PLA2G4A: variants seen among roughly 807,000 people sequenced by gnomAD.
PLA2G4A encodes the protein cytosolic phospholipase A2.
Under a neutral mutation model 81.9 loss-of-function variants are expected in PLA2G4A, and 40 were observed. The observed-to-expected ratio is 0.49, with a 90% CI of 0.38 to 0.64. The LOEUF (loss-of-function observed/expected upper bound fraction) is 0.64. Ranked by LOEUF, PLA2G4A falls within the 30% of genes least tolerant of loss-of-function variation. PLA2G4A has a pLI of 0.00. For missense variants in PLA2G4A, 715 were observed against 905.1 expected (o/e 0.79, Z 2.69); for synonymous variants, 302 against 296.9 (o/e 1.02, Z -0.18).
Position 186,893,053 on chromosome 1 carries a change from C to T in PLA2G4A, c.158C>T (p.Thr53Ile). 1 of 1,609,032 alleles carries T rather than the reference C, an allele frequency of 6.2e-7. No individual in the cohort carries two copies. Among genetic ancestry groups the T allele is most frequent in the Non-Finnish European group, 8.5e-7 (1 of 1,175,400 alleles). The change falls in exon 4 of 18, where the codon ACC (threonine) becomes ATC (isoleucine). Residue 53 changes from threonine to isoleucine, a missense_variant. Physicochemically the swap from Thr to Ile is moderately conservative, Grantham distance 89 (BLOSUM62 -1). Coordinates refer to ENST00000367466, the MANE Select transcript of PLA2G4A (RefSeq NM_024420.3). Reference protein sequence around the residue: ...DPYVELFISTTPDSRKRTRHF... With the variant: ...DPYVELFISTIPDSRKRTRHF... ...TATGTGGAACTTTTTATCTCTACAA[C>T]CCCTGACAGCAGGAAGAGAACAAGA...
At chr1:186,924,038 G>T (rs982878918) in intron 7 of PLA2G4A, among the ~76,000 whole-genome samples, 1 of 152,132 alleles carries the variant, frequency 6.6e-6, no homozygotes, top group Admixed American at 6.5e-5. Flanking sequence ...TACTCCCTTT[G>T]CTTTCAAATG....
rs141706022 is a variant in PLA2G4A at position 186,870,290 on chromosome 1, C to T, written c.34-145C>T. The stretch of plus-strand genomic sequence containing the variant: ...ATTCTGTGATGAGAGAGAAGAGAGT[C>T]AAAAAAGAAGCAGCCTTACATCAAA... On this transcript the variant is annotated intron_variant, in intron 2 of 17. Transcript: ENST00000367466. 174 of 684,412 alleles carry T rather than the reference C, an allele frequency of 2.5e-4. 1 individual carries two copies. The African/African-American group carries it at 2.8e-3, about 11-fold the overall frequency. The allele number at this position is 684,412 out of a possible 1,614,324, so 42.4% of individuals were successfully genotyped here. A position where few individuals can be genotyped will look rare whatever the true frequency, so the allele number is the denominator to read the frequency against.
intron 2 of PLA2G4A, among the ~76,000 whole-genome samples, chr1:186,868,713 T>C (rs1198605991): frequency 1.3e-5 from 2 of 152,214 alleles, no homozygotes; most frequent in East Asian, 3.8e-4. Context: ...TTAATAGATA[T>C]GCACCTATTT....
chr1:186,952,661 CAT>C (rs1427725269), intron 13 of PLA2G4A, among the ~76,000 whole-genome samples: 1 of 152,134 alleles, frequency 6.6e-6, no homozygotes, highest in Non-Finnish European at 1.5e-5. Context: ...CATCATTATA[CAT>C]GTCACACACA....
At chr1:186,906,430 G>A (rs1277795006) in intron 5 of PLA2G4A, among the ~76,000 whole-genome samples, 1 of 152,134 alleles carries the variant, frequency 6.6e-6, no homozygotes, top group East Asian at 1.9e-4. Flanking sequence ...GATGTTTCCC[G>A]AGTCAACTAC....
At chr1:186,851,243 A>G (rs1181597079) in intron 1 of PLA2G4A, among the ~76,000 whole-genome samples, 2 of 152,012 alleles carry the variant, frequency 1.3e-5, no homozygotes. Context: ...CTACATAGAC[A>G]TTTCAGCTTC....
intron 17 of PLA2G4A, among the ~76,000 whole-genome samples, chr1:186,987,323 G>A (rs192379739): frequency 9.2e-5 from 14 of 152,350 alleles, no homozygotes; most frequent in Non-Finnish European, 1.3e-4. Flanking sequence ...AGGCCATAGC[G>A]TCCTAAACTG....
intron 3 of PLA2G4A, among the ~76,000 whole-genome samples, chr1:186,880,605 G>T (rs937162008): frequency 6.6e-6 from 1 of 151,754 alleles, no homozygotes; most frequent in African/African-American, 2.4e-5. Flanking sequence ...ATAGCATTAA[G>T]GTTAAGAATC....
chr1:186,916,790 T>G (rs575687184), intron 7 of PLA2G4A, among the ~76,000 whole-genome samples: 10 of 152,326 alleles, frequency 6.6e-5, no homozygotes, highest in Admixed American at 5.2e-4. Flanking sequence ...AGAATAATTG[T>G]TTTAACTTGT....
Position 186,956,182 on chromosome 1 carries a change from G to A in PLA2G4A, c.1417G>A (p.Val473Met). The change falls in exon 14 of 18, where the codon GTG (valine) becomes ATG (methionine). Residue 473 changes from valine (V) to methionine (M), a missense_variant. By Grantham distance (21) the Val-to-Met change is conservative (BLOSUM62 1). Coordinates refer to ENST00000367466, the MANE Select transcript of PLA2G4A (RefSeq NM_024420.3). ...SWIHRMIMAL[V>M]SDSALFNTRE... The stretch of plus-strand genomic sequence containing the variant: ...GATTCATCGTATGATAATGGCCTTG[G>A]TGAGTGATTCAGCTTTATTCAATAC... 6.2e-7 allele frequency: 1 copy of A among 1,613,862 alleles called. No individual in the cohort carries two copies. The highest frequency in any genetic ancestry group is 1.3e-5 in the African/African-American group (1 of 75,020).
intron 2 of PLA2G4A, among the ~76,000 whole-genome samples, chr1:186,862,967 A>G (rs1171039791): frequency 6.6e-6 from 1 of 152,202 alleles, no homozygotes; most frequent in East Asian, 1.9e-4. Context: ...ATAGATATTT[A>G]GTTACCATTG....
At position 186,932,849 on chromosome 1, in the gene PLA2G4A, A is replaced by G. The variant is rs545862960; in HGVS notation, c.645A>G (p.Ser215=). 1.7e-5 allele frequency: 27 copies of G among 1,613,254 alleles called. No individual in the cohort carries two copies. In the South Asian group the frequency reaches 3.0e-4, roughly 18 times the overall value. ...FSGVMKALYE[S]GILDCATYVA... is the part of the protein sequence containing the mutation. ...GTGTGATGAAGGCATTATACGAATCAGGAATTCTGGATTGTGCTACCTACG... is the reference window on the plus strand; with the variant it reads ...GTGTGATGAAGGCATTATACGAATCGGGAATTCTGGATTGTGCTACCTACG... The change falls in exon 8 of 18, where the codon TCA becomes TCG. Residue 215 remains serine, a synonymous_variant. Coordinates refer to ENST00000367466, the MANE Select transcript of PLA2G4A (RefSeq NM_024420.3).
intron 3 of PLA2G4A, among the ~76,000 whole-genome samples, chr1:186,880,281 A>C (rs1219770710): frequency 6.6e-6 from 1 of 152,030 alleles, no homozygotes; most frequent in African/African-American, 2.4e-5. Flanking sequence ...TGGAATGGGT[A>C]GGGGTTGCAT....
intron 2 of PLA2G4A, among the ~76,000 whole-genome samples, chr1:186,857,471 AAT>A (rs1491528618): frequency 7.4e-6 from 1 of 135,566 alleles, no homozygotes; most frequent in Admixed American, 8.4e-5. Context: ...TAACATGTAT[AAT>A]ATATATACAA....
At chr1:186,873,986 T>G (rs1042996421) in intron 3 of PLA2G4A, among the ~76,000 whole-genome samples, 14 of 152,090 alleles carry the variant, frequency 9.2e-5, no homozygotes, top group African/African-American at 2.7e-4. Context: ...AAGTTCACAT[T>G]TACACCTGAC....
intron 1 of PLA2G4A, among the ~76,000 whole-genome samples, chr1:186,833,144 A>G (rs1651658557): frequency 1.3e-5 from 2 of 152,086 alleles, no homozygotes; most frequent in African/African-American, 4.8e-5. Flanking sequence ...AGTGGCTTAC[A>G]CCTGTAATCC....
intron 7 of PLA2G4A, among the ~76,000 whole-genome samples, chr1:186,928,325 C>T (rs1044474056): frequency 6.6e-6 from 1 of 152,076 alleles, no homozygotes; most frequent in Non-Finnish European, 1.5e-5. Context: ...CATATAAGAC[C>T]AAGTGCTATA....
At chr1:186,946,532 A>G (rs10911966) in intron 10 of PLA2G4A, 105 bp from the exon 11 acceptor site, 795,015 of 837,230 alleles carry the variant, frequency 0.95, 377,696 homozygotes, top group East Asian at 1. Flanking sequence ...TTTTAAATAC[A>G]TGAATGAGAA....
intron 1 of PLA2G4A, 34 bp from the exon 2 acceptor site, chr1:186,854,252 G>A: frequency 1.3e-6 from 1 of 759,402 alleles, no homozygotes; most frequent in South Asian, 1.5e-5. Flanking sequence ...GCATCCAAGA[G>A]GAAGCTTAAC....
Sources: gnomAD v4.1 joint callset for allele counts (sites outside exome capture counted in the v4.1 genomes callset) on GRCh38, gnomAD v4.1.1 for gene constraint, MANE v1.5 for transcripts, NCBI Gene and HGNC (gene_info 2026-07-23, HGNC 2026-07-21) for gene names.